The following BMERB1 variants were observed in gnomAD, a reference collection of about 807,000 sequenced individuals.
BMERB1 encodes bMERB domain-containing protein 1.
BMERB1 carries 12 observed loss-of-function variants against 23.6 expected under a neutral mutation model. The ratio of observed to expected loss-of-function variants is 0.51; its 90% CI spans 0.33 to 0.82. BMERB1 has a LOEUF of 0.82. BMERB1 is among the 40% of genes least tolerant of loss of function. BMERB1 has a pLI of 0.03. For missense variants in BMERB1, 247 were observed against 255.4 expected (o/e 0.97, Z 0.22); for synonymous variants, 122 against 96.6 (o/e 1.26, Z -1.54).
At chr16:15,565,823 G>A (rs1441545550) in intron 2 of BMERB1, among the ~76,000 whole-genome samples, 1 of 152,188 alleles carries the variant, frequency 6.6e-6, no homozygotes, top group African/African-American at 2.4e-5. Flanking sequence ...CTGTGCCTTG[G>A]GTGATACAGC....
chr16:15,494,905 A>G (rs1194257580), intron 1 of BMERB1, among the ~76,000 whole-genome samples: 8 of 113,716 alleles, frequency 7.0e-5, no homozygotes, highest in South Asian at 5.9e-4. Flanking sequence ...TTTTTTTGAG[A>G]AGGAGTCTTG....
At chr16:15,508,920 C>T (rs761144595) in intron 1 of BMERB1, among the ~76,000 whole-genome samples, 2 of 151,262 alleles carry the variant, frequency 1.3e-5, no homozygotes, top group Non-Finnish European at 2.9e-5. Flanking sequence ...AGGATTCTAA[C>T]GATTTGTATC....
chr16:15,468,918 A>G (rs1460742134), intron 1 of BMERB1, among the ~76,000 whole-genome samples: 2 of 145,698 alleles, frequency 1.4e-5, no homozygotes, highest in African/African-American at 5.1e-5. Flanking sequence ...TTTGTCCAGT[A>G]TTGTTTGTTG....
chr16:15,471,529 C>G (rs2051228801), intron 1 of BMERB1, among the ~76,000 whole-genome samples: 1 of 152,210 alleles, frequency 6.6e-6, no homozygotes, highest in Non-Finnish European at 1.5e-5. Context: ...CCCTTGTTAT[C>G]TACTCAGTGG....
intron 1 of BMERB1, among the ~76,000 whole-genome samples, chr16:15,453,503 C>A (rs1463021214): frequency 6.6e-6 from 1 of 152,096 alleles, no homozygotes; most frequent in Non-Finnish European, 1.5e-5. Flanking sequence ...GATCACTTGA[C>A]TCCAGGAGTA....
chr16:15,454,955 T>C (rs1242286448), intron 1 of BMERB1, among the ~76,000 whole-genome samples: 1 of 152,170 alleles, frequency 6.6e-6, no homozygotes, highest in African/African-American at 2.4e-5. Context: ...ATGAATACTT[T>C]GTGAGAAATC....
chr16:15,573,323 A>G (rs1008566121), intron 3 of BMERB1, among the ~76,000 whole-genome samples: 2 of 152,224 alleles, frequency 1.3e-5, no homozygotes, highest in African/African-American at 4.8e-5. Flanking sequence ...CAATAGAGAA[A>G]GAGTAATTCA....
At chr16:15,528,193 G>A (rs2051928148) in intron 2 of BMERB1, among the ~76,000 whole-genome samples, 1 of 152,122 alleles carries the variant, frequency 6.6e-6, no homozygotes, top group Non-Finnish European at 1.5e-5. Flanking sequence ...AGATGAAGAT[G>A]CCAGCAGATT....
intron 1 of BMERB1, among the ~76,000 whole-genome samples, chr16:15,491,363 C>A (rs1477308455): frequency 6.0e-5 from 9 of 150,996 alleles, no homozygotes; most frequent in Admixed American, 5.9e-4. Context: ...TTCTTTCTTT[C>A]TTTTTTTCAG....
At chr16:15,522,324 C>T (rs1390619573) in intron 2 of BMERB1, among the ~76,000 whole-genome samples, 1 of 152,126 alleles carries the variant, frequency 6.6e-6, no homozygotes, top group Non-Finnish European at 1.5e-5. Flanking sequence ...GCTTGAAATC[C>T]AGTAACTTCG....
chr16:15,553,267 C>T (rs964743262), intron 2 of BMERB1, among the ~76,000 whole-genome samples: 3 of 152,198 alleles, frequency 2.0e-5, no homozygotes, highest in Admixed American at 1.3e-4. Context: ...CTCGGCCTCC[C>T]GAAGTGCTGT....
chr16:15,554,384 G>C (rs1203873684), intron 2 of BMERB1, among the ~76,000 whole-genome samples: 1 of 152,182 alleles, frequency 6.6e-6, no homozygotes, highest in Non-Finnish European at 1.5e-5. Flanking sequence ...TGTGTAAAAT[G>C]CTTAATCCAG....
chr16:15,490,835 T>C (rs2051413650), intron 1 of BMERB1, among the ~76,000 whole-genome samples: 1 of 152,172 alleles, frequency 6.6e-6, no homozygotes. Context: ...TTTTTATTCT[T>C]ATTTTTTATT....
At chr16:15,483,201 T>A (rs1425883282) in intron 1 of BMERB1, among the ~76,000 whole-genome samples, 1 of 152,160 alleles carries the variant, frequency 6.6e-6, no homozygotes, top group Admixed American at 6.5e-5. Flanking sequence ...GTTTCCAATT[T>A]TTCCACTGTT....
rs532942607 is a variant in BMERB1, at chr16:15,517,968, T to G, written c.230+2540T>G. The stretch of plus-strand genomic sequence containing the variant: ...GGGTGTGTGTGTGGATGTGGGTGTG[T>G]ATGTGTGCGTGTGGATGTGTGTGCA... On this transcript the variant is annotated intron_variant, in intron 2 of 5. Coordinates refer to ENST00000300006, the MANE Select transcript of BMERB1 (RefSeq NM_033201.3). Among the ~76,000 whole-genome samples the G allele has an allele frequency of 5.1e-4, 77 of 150,070 alleles. 1 individual carries two copies. The South Asian group carries it at 7.4e-3, about 15-fold the overall frequency.
At chr16:15,491,714 A>T (rs968124549) in intron 1 of BMERB1, among the ~76,000 whole-genome samples, 6 of 152,040 alleles carry the variant, frequency 3.9e-5, no homozygotes, top group African/African-American at 1.5e-4. Flanking sequence ...GCACTCGTGG[A>T]TCCTCTATCT....
chr16:15,561,719 T>A (rs2030427359), intron 2 of BMERB1, among the ~76,000 whole-genome samples: 1 of 152,068 alleles, frequency 6.6e-6, no homozygotes, highest in Non-Finnish European at 1.5e-5. Flanking sequence ...ATGGCAAGAT[T>A]CTGTCTCTAC....
At chr16:15,560,072 G>A (rs59421406) in intron 2 of BMERB1, among the ~76,000 whole-genome samples, 66,480 of 152,010 alleles carry the variant, frequency 0.44, 15,074 homozygotes, top group Middle Eastern at 0.54. Context: ...AGCGGAAGGT[G>A]TGTGGAGGAG....
intron 1 of BMERB1, among the ~76,000 whole-genome samples, chr16:15,458,956 A>C (rs1458047180): frequency 1.3e-5 from 2 of 151,950 alleles, no homozygotes; most frequent in Non-Finnish European, 2.9e-5. Flanking sequence ...AATACAAAAA[A>C]ATTATCCGGG....
Sources: allele counts gnomAD v4.1 joint callset (sites outside exome capture counted in the v4.1 genomes callset), GRCh38; gene constraint gnomAD v4.1.1; transcripts MANE v1.5; gene names NCBI Gene and HGNC (gene_info 2026-07-23, HGNC 2026-07-21).